USP14: variants seen among roughly 807,000 people sequenced by gnomAD.
USP14 encodes the protein ubiquitin carboxyl-terminal hydrolase 14.
USP14 carries 38 observed loss-of-function variants against 76.5 expected under a neutral mutation model. The ratio of observed to expected loss-of-function variants is 0.50; its 90% CI spans 0.38 to 0.65. The LOEUF (loss-of-function observed/expected upper bound fraction) is 0.65. Among genes scored for constraint, USP14 ranks in the 30% least tolerant of loss-of-function variants. The pLI, the probability that USP14 is intolerant of heterozygous loss-of-function variation, is 0.00. For synonymous variants in USP14, 192 were observed against 191.7 expected (o/e 1.00, Z -0.01); for missense variants, 467 against 586.5 (o/e 0.80, Z 2.10).
Position 159,509 on chromosome 18 carries a change from A to G in USP14, c.16+795A>G, listed in dbSNP as rs186071920. 8.7e-4 allele frequency among the ~76,000 whole-genome samples: 132 copies of G among 152,236 alleles called. 1 individual carries two copies. The highest frequency in any genetic ancestry group is 4.0e-3 in the Admixed American group (61 of 15,292). ...ACCTAAAATATGTGTGGTGTCTCCAATTGGCTGTAGGTGTGTGATTCGTTG... is the reference window on the plus strand; with the variant it reads ...ACCTAAAATATGTGTGGTGTCTCCAGTTGGCTGTAGGTGTGTGATTCGTTG... On this transcript the variant is annotated intron_variant, in intron 1 of 15. Transcript: ENST00000261601.
chr18:164,111 G>A (rs1433841352), intron 2 of USP14, among the ~76,000 whole-genome samples: 1 of 152,198 alleles, frequency 6.6e-6, no homozygotes, highest in East Asian at 1.9e-4. Context: ...GGTCAGGAGA[G>A]TGGAACACTT....
chr18:189,352 T>C (rs183979004), intron 5 of USP14, among the ~76,000 whole-genome samples: 212 of 152,302 alleles, frequency 1.4e-3, no homozygotes, highest in Non-Finnish European at 2.6e-3. Context: ...TTACTTACCC[T>C]TGTGTAGTAA....
chr18:161,223 C>T (rs1012010099), intron 1 of USP14, among the ~76,000 whole-genome samples: 5 of 152,156 alleles, frequency 3.3e-5, no homozygotes, highest in South Asian at 4.1e-4. Flanking sequence ...CCACCATTCC[C>T]GGCCTCTTTA....
At chr18:191,552 T>G (rs1265945222) in intron 5 of USP14, among the ~76,000 whole-genome samples, 4 of 152,172 alleles carry the variant, frequency 2.6e-5, no homozygotes, top group South Asian at 2.1e-4. Context: ...TCAGAAAATT[T>G]CTTGGGCATG....
intron 3 of USP14, 83 bp from the exon 4 acceptor site, chr18:178,850 C>T (rs1396273356): frequency 9.8e-7 from 1 of 1,015,274 alleles, no homozygotes; most frequent in Admixed American, 2.6e-5. Flanking sequence ...TATATGTGTT[C>T]TTTTGTTCCT....
chr18:191,034 G>A (rs1202644056), intron 5 of USP14, among the ~76,000 whole-genome samples: 5 of 151,990 alleles, frequency 3.3e-5, no homozygotes, highest in Non-Finnish European at 5.9e-5. Context: ...ACATATTCAT[G>A]TTACCCTATA....
At chr18:172,000 G>A (rs1391207783) in intron 3 of USP14, among the ~76,000 whole-genome samples, 2 of 152,130 alleles carry the variant, frequency 1.3e-5, no homozygotes, top group African/African-American at 4.8e-5. Flanking sequence ...CAGCACTTTG[G>A]GAGTCTGAGA....
At position 158,596 on chromosome 18, in the gene USP14, G is replaced by T. The variant is rs1909016422; in HGVS notation, c.-103G>T. The T allele has an allele frequency of 2.4e-6, 3 of 1,267,968 alleles. No homozygotes were observed. The highest frequency in any genetic ancestry group is 3.2e-6 in the Non-Finnish European group (3 of 929,498). 78.5% of individuals were successfully genotyped at this position (1,267,968 alleles called of 1,614,324 possible). On this transcript the variant is annotated 5_prime_UTR_variant, in exon 1 of 16. Coordinates refer to ENST00000261601, the MANE Select transcript of USP14 (RefSeq NM_005151.4). ...GCACCGAAGCCGCCGCCACCACCGCGCCTCCGCCTCGGCCGCCGCCGCAGC... is the reference window on the plus strand; with the variant it reads ...GCACCGAAGCCGCCGCCACCACCGCTCCTCCGCCTCGGCCGCCGCCGCAGC...
At position 166,963 on chromosome 18, in the gene USP14, G is replaced by T. The variant is rs569642145; in HGVS notation, c.195+144G>T. ...AATACTTACCTTTTCCCATTGACTT[G>T]TGTTGGGCTCTTTCTTGAAAAGTAG... On this transcript the variant is annotated intron_variant, in intron 3 of 15. Transcript: ENST00000261601. The T allele has an allele frequency of 6.4e-5, 43 of 675,070 alleles. No homozygotes were observed. In the African/African-American group the frequency reaches 7.0e-4, roughly 11 times the overall value. 41.8% of individuals were successfully genotyped at this position (675,070 alleles called of 1,614,324 possible). A position where few individuals can be genotyped will look rare whatever the true frequency, so the allele number is the denominator to read the frequency against.
At chr18:201,414 A>G (rs978852959) in intron 10 of USP14, among the ~76,000 whole-genome samples, 1 of 152,170 alleles carries the variant, frequency 6.6e-6, no homozygotes, top group African/African-American at 2.4e-5. Flanking sequence ...GATAAACAAG[A>G]TGATTTGTTA....
intron 12 of USP14, 145 bp downstream of exon 12, chr18:203,335 A>G: frequency 1.3e-6 from 1 of 746,042 alleles, no homozygotes; most frequent in Non-Finnish European, 2.2e-6. Context: ...GTGATTCTTA[A>G]CTCAGAACGT....
intron 5 of USP14, among the ~76,000 whole-genome samples, chr18:191,454 ATCTT>A (rs1306612815): frequency 3.3e-5 from 5 of 152,196 alleles, no homozygotes; most frequent in African/African-American, 1.2e-4. Context: ...AAATGCATAT[ATCTT>A]AAGTGTTTGG....
rs28412432 is a variant in USP14, at chr18:160,754, A to G, written c.16+2040A>G. Among the ~76,000 whole-genome samples the G allele has an allele frequency of 5.4e-3, 827 of 152,192 alleles. 5 individuals are homozygous for G. Among genetic ancestry groups the G allele is most frequent in the African/African-American group, 0.018 (767 of 41,524 alleles). Reference sequence around the variant, plus strand: ...TCCTGTAGCATCTTTAGCTTGTACTATTGTAATATGCTTCTAGTTTATTTT... The same window carrying G: ...TCCTGTAGCATCTTTAGCTTGTACTGTTGTAATATGCTTCTAGTTTATTTT... On this transcript the variant is annotated intron_variant, in intron 1 of 15. Coordinates refer to ENST00000261601, the MANE Select transcript of USP14 (RefSeq NM_005151.4).
rs898663648 is a variant in USP14, at chr18:213,190, T to C, written c.*1906T>C. On this transcript the variant is annotated 3_prime_UTR_variant, in exon 16 of 16. Coordinates refer to ENST00000261601, the MANE Select transcript of USP14 (RefSeq NM_005151.4). ...TCATTGTCTCATTTGGTCAGAACAA[T>C]TTTATTGAGGACATGAATTTAACAA... 2.0e-5 allele frequency: 3 copies of C among 152,170 alleles called. No individual in the cohort carries two copies. Among genetic ancestry groups the C allele is most frequent in the African/African-American group, 4.8e-5 (2 of 41,438 alleles). The allele number at this position is 152,170 out of a possible 1,614,324, so 9.4% of individuals were successfully genotyped here.
intron 13 of USP14, 102 bp downstream of exon 13, chr18:204,794 A>C: frequency 7.3e-7 from 1 of 1,366,532 alleles, no homozygotes. Context: ...TTCCTTCAGA[A>C]CTATACTTTG....
intron 1 of USP14, among the ~76,000 whole-genome samples, chr18:161,833 T>C (rs1909127932): frequency 6.6e-6 from 1 of 152,242 alleles, no homozygotes; most frequent in Admixed American, 6.5e-5. Flanking sequence ...AAAAGTTAGC[T>C]ATTTTATGAG....
At chr18:160,196 G>A (rs769303509) in intron 1 of USP14, among the ~76,000 whole-genome samples, 50 of 152,078 alleles carry the variant, frequency 3.3e-4, no homozygotes, top group Non-Finnish European at 6.0e-4. Flanking sequence ...CCCAGCTACT[G>A]GGGAGGCTGA....
At chr18:207,883 C>T (rs529154231) in intron 13 of USP14, among the ~76,000 whole-genome samples, 67 of 152,058 alleles carry the variant, frequency 4.4e-4, no homozygotes, top group African/African-American at 1.5e-3. Flanking sequence ...TCTAGAGTGG[C>T]TAGTAAAGCT....
chr18:191,505 C>A (rs1025157779), intron 5 of USP14, among the ~76,000 whole-genome samples: 15 of 152,154 alleles, frequency 9.9e-5, no homozygotes, highest in Non-Finnish European at 1.6e-4. Context: ...TCTCTGTAAT[C>A]CATTTGCCTA....
Sources: allele counts gnomAD v4.1 joint callset (sites outside exome capture counted in the v4.1 genomes callset), GRCh38; gene constraint gnomAD v4.1.1; transcripts MANE v1.5; gene names NCBI Gene and HGNC (gene_info 2026-07-23, HGNC 2026-07-21).